The following CDH18 variants were observed in gnomAD, a reference collection of about 807,000 sequenced individuals.
CDH18 encodes cadherin-18.
A neutral mutation model predicts 67.9 loss-of-function variants in CDH18; 31 were observed. That is an observed-to-expected ratio of 0.46 (90% CI 0.34 to 0.62). CDH18 has a LOEUF of 0.62. Ranked by LOEUF, CDH18 falls within the 20% of genes least tolerant of loss-of-function variation. CDH18 has a pLI of 0.01. For synonymous variants in CDH18, 362 were observed against 347.2 expected, an observed-to-expected ratio of 1.04 and a Z score of -0.48; for missense variants, 890 against 975.5, an observed-to-expected ratio of 0.91 and a Z score of 1.17.
intron 11 of CDH18, 21 bp from the exon 12 acceptor site, chr5:19,483,573 A>T: frequency 6.4e-7 from 1 of 1,569,434 alleles, no homozygotes; most frequent in Non-Finnish European, 8.7e-7. Flanking sequence ...CATAAGCAAA[A>T]CAAAATACAC....
chr5:19,536,930 G>A (rs531501956), intron 9 of CDH18, among the ~76,000 whole-genome samples: 7 of 152,282 alleles, frequency 4.6e-5, no homozygotes, highest in African/African-American at 1.7e-4. Context: ...AATATAATGT[G>A]TAGTCAGGTT....
chr5:20,418,177 G>C (rs1050433542), intron 1 of CDH18, among the ~76,000 whole-genome samples: 1 of 150,270 alleles, frequency 6.7e-6, no homozygotes, highest in Non-Finnish European at 1.5e-5. Flanking sequence ...TGGGGTTCCA[G>C]GAATTCTCCT....
intron 2 of CDH18, among the ~76,000 whole-genome samples, chr5:20,031,445 C>T (rs976840076): frequency 3.9e-5 from 6 of 151,966 alleles, no homozygotes; most frequent in African/African-American, 1.2e-4. Flanking sequence ...AAGAATTCTC[C>T]AGTGACCTCA....
chr5:20,352,657 T>C (rs1221809725), intron 1 of CDH18, among the ~76,000 whole-genome samples: 2 of 149,022 alleles, frequency 1.3e-5, no homozygotes, highest in Non-Finnish European at 3.0e-5. Flanking sequence ...TAGCCAGGCC[T>C]GGTGGCTGGC....
chr5:20,454,044 T>C (rs1230809131), intron 1 of CDH18, among the ~76,000 whole-genome samples: 1 of 152,130 alleles, frequency 6.6e-6, no homozygotes, highest in Non-Finnish European at 1.5e-5. Flanking sequence ...ATAAGAAATA[T>C]GACAAACCTT....
intron 2 of CDH18, among the ~76,000 whole-genome samples, chr5:20,168,585 G>A (rs968701647): frequency 1.3e-5 from 2 of 152,066 alleles, no homozygotes; most frequent in African/African-American, 4.8e-5. Flanking sequence ...CAAGATATAG[G>A]TTCTAGTGTG....
intron 2 of CDH18, among the ~76,000 whole-genome samples, chr5:20,157,854 A>G (rs146761772): frequency 4.0e-5 from 6 of 151,756 alleles, no homozygotes; most frequent in Non-Finnish European, 7.4e-5. Context: ...GTTGGCCAGG[A>G]TGGTCTCGAT....
chr5:20,406,056 C>T (rs1234688363), intron 1 of CDH18, among the ~76,000 whole-genome samples: 1 of 151,502 alleles, frequency 6.6e-6, no homozygotes, highest in East Asian at 1.9e-4. Context: ...CTAGAAACAT[C>T]ATTTGACCCA....
intron 1 of CDH18, chr5:20,305,253 A>T: frequency 7.3e-7 from 1 of 1,373,684 alleles, no homozygotes. Flanking sequence ...CTCCTCCAGA[A>T]GGTACCACTA....
rs533872824 is a variant in CDH18, at chr5:19,638,525, A to C, written c.644-25924T>G. Among the ~76,000 whole-genome samples, 5 of 149,682 alleles carry C rather than the reference A, an allele frequency of 3.3e-5. No individual in the cohort carries two copies. In the East Asian group the frequency reaches 9.9e-4, roughly 30 times the overall value. ...TAGATGAAGAGCAAATGTTTCTTTAATGTGTTTAAGTCTTTACTAAGTTTT... is the reference window on the plus strand; with the variant it reads ...TAGATGAAGAGCAAATGTTTCTTTACTGTGTTTAAGTCTTTACTAAGTTTT... On this transcript the variant is annotated intron_variant, in intron 5 of 12. Coordinates refer to ENST00000382275, the MANE Select transcript of CDH18 (RefSeq NM_004934.5).
intron 7 of CDH18, among the ~76,000 whole-genome samples, chr5:19,575,929 C>T (rs1742238912): frequency 6.6e-6 from 1 of 152,086 alleles, no homozygotes; most frequent in Non-Finnish European, 1.5e-5. Flanking sequence ...CAGGATGAAA[C>T]TCTAGGTTTA....
At chr5:19,490,407 T>G (rs1226794735) in intron 11 of CDH18, among the ~76,000 whole-genome samples, 2 of 121,404 alleles carry the variant, frequency 1.6e-5, no homozygotes, top group Non-Finnish European at 3.5e-5. Flanking sequence ...TTTTTTTTTT[T>G]TTTTTTTTTT....
At chr5:20,184,653 T>A (rs1341910162) in intron 2 of CDH18, among the ~76,000 whole-genome samples, 2 of 152,140 alleles carry the variant, frequency 1.3e-5, no homozygotes. Context: ...GCACTGTGTA[T>A]TGTTTTATGT....
chr5:20,518,450 G>A (rs887927617), intron 1 of CDH18, among the ~76,000 whole-genome samples: 2 of 151,930 alleles, frequency 1.3e-5, no homozygotes, highest in African/African-American at 4.8e-5. Flanking sequence ...CTCCCTTTTT[G>A]GTTCCTCTCT....
intron 1 of CDH18, among the ~76,000 whole-genome samples, chr5:20,302,656 T>A (rs1736054434): frequency 6.6e-6 from 1 of 152,124 alleles, no homozygotes; most frequent in Non-Finnish European, 1.5e-5. Context: ...ACCTTACACC[T>A]AAAGACTGTA....
At chr5:20,156,549 A>G (rs1166957016) in intron 2 of CDH18, among the ~76,000 whole-genome samples, 1 of 152,152 alleles carries the variant, frequency 6.6e-6, no homozygotes. Context: ...ATACAGAATG[A>G]AATAATAGAC....
At chr5:19,922,918 G>A (rs1055297745) in intron 2 of CDH18, among the ~76,000 whole-genome samples, 3 of 152,038 alleles carry the variant, frequency 2.0e-5, no homozygotes, top group Non-Finnish European at 4.4e-5. Flanking sequence ...TTATATATTC[G>A]TTTAATATCT....
chr5:19,864,177 A>T (rs1370112883), intron 2 of CDH18, among the ~76,000 whole-genome samples: 2 of 150,282 alleles, frequency 1.3e-5, no homozygotes, highest in African/African-American at 2.5e-5. Context: ...GCACATATAC[A>T]CCATGGAATA....
chr5:19,512,786 C>A (rs1745323422), intron 10 of CDH18, among the ~76,000 whole-genome samples: 1 of 151,838 alleles, frequency 6.6e-6, no homozygotes, highest in South Asian at 2.1e-4. Context: ...AAATACTATC[C>A]TTTTTTGCTT....
Sources: allele counts gnomAD v4.1 joint callset (sites outside exome capture counted in the v4.1 genomes callset), GRCh38; gene constraint gnomAD v4.1.1; transcripts MANE v1.5; gene names NCBI Gene and HGNC (gene_info 2026-07-23, HGNC 2026-07-21).